POP4: variants seen among roughly 807,000 people sequenced by gnomAD.
POP4 encodes POP4 ribonuclease P/MRP subunit, also known as ribonuclease P protein subunit p29.
In POP4, 31 loss-of-function variants were observed where a neutral mutation model predicts 29.9. The ratio of observed to expected loss-of-function variants is 1.04; its 90% CI spans 0.78 to 1.40. POP4 has a LOEUF of 1.40. Ranked by LOEUF, POP4 falls within the 40% of genes most tolerant of loss-of-function variation. The pLI is 0.00. For synonymous variants in POP4, 110 were observed against 108.2 expected (o/e 1.02, Z -0.10); for missense variants, 286 against 282.7 (o/e 1.01, Z -0.08).
At chr19:29,606,407 C>T in intron 1 of POP4, 82 bp downstream of exon 1, 6 of 1,456,512 alleles carry the variant, frequency 4.1e-6, no homozygotes, top group South Asian at 1.4e-5. Flanking sequence ...TGGGTCCGGG[C>T]TACCTGTTGC....
chr19:29,613,540 G>C (rs961531578), intron 5 of POP4, among the ~76,000 whole-genome samples: 1 of 152,226 alleles, frequency 6.6e-6, no homozygotes, highest in Non-Finnish European at 1.5e-5. Flanking sequence ...AGACCTGGCT[G>C]CATCAGAGCA....
In POP4 at chr19:29,615,273, G is replaced by A; in HGVS notation, c.556G>A (p.Val186Met). 1 of 1,569,620 alleles carries A rather than the reference G, an allele frequency of 6.4e-7. No homozygotes were observed. The highest frequency in any genetic ancestry group is 1.5e-5 in the African/African-American group (1 of 66,960). The change falls in exon 7 of 7, where the codon GTG (valine) becomes ATG (methionine). Residue 186 changes from valine to methionine, a missense_variant. Physicochemically the swap from Val to Met is conservative, Grantham distance 21. Transcript: ENST00000585603. ...VIPKLNCVFT[V>M]ETDGFISYIY... ...CCCCAAGCTAAACTGCGTGTTCACT[G>A]TGGAAACCGATGGCTTTATTTCCTA...
chr19:29,614,050 AAG>A, intron 6 of POP4, 78 bp downstream of exon 6: 1 of 1,537,380 alleles, frequency 6.5e-7, no homozygotes, highest in African/African-American at 1.4e-5. Context: ...TCAAGGCTCC[AAG>A]AGTTTGATTT....
rs184092921 is a variant in POP4 at position 29,614,426 on chromosome 19, C to G, written c.526+454C>G. On this transcript the variant is annotated intron_variant, in intron 6 of 6. Coordinates refer to ENST00000585603, the MANE Select transcript of POP4 (RefSeq NM_006627.3). Reference sequence around the variant, plus strand: ...CATTGCTCTAGCAGATACTTTGGGTCAGCCAGGATTTCTACACCCCGCCTT... The same window carrying G: ...CATTGCTCTAGCAGATACTTTGGGTGAGCCAGGATTTCTACACCCCGCCTT... 2.6e-5 allele frequency among the ~76,000 whole-genome samples: 4 copies of G among 152,236 alleles called. No homozygotes were observed. The East Asian group carries it at 7.7e-4, about 29-fold the overall frequency.
chr19:29,613,955 A>G lies in POP4; in HGVS notation c.509A>G (p.Lys170Arg), dbSNP rs769257774. ...ETKHIFKIIT[K>R]EDRLKVIPKL... is the part of the protein sequence containing the mutation. ...AAGCACATTTTCAAAATTATCACCA[A>G]AGAAGACCGCCTGAAAGGTATGTAG... The change falls in exon 6 of 7, where the codon AAA (lysine) becomes AGA (arginine). Residue 170 changes from lysine (K) to arginine (R), a missense_variant. Physicochemically the swap from Lys to Arg is conservative, Grantham distance 26. Transcript: ENST00000585603. The G allele has an allele frequency of 1.1e-5, 17 of 1,613,560 alleles. No homozygotes were observed. Among genetic ancestry groups the G allele is most frequent in the Non-Finnish European group, 1.4e-5 (16 of 1,179,864 alleles).
chr19:29,612,438 A>C (rs1445078021), intron 5 of POP4, among the ~76,000 whole-genome samples: 1 of 152,064 alleles, frequency 6.6e-6, no homozygotes, highest in African/African-American at 2.4e-5. Flanking sequence ...TGGTACCCTA[A>C]AGGGCACAGT....
rs138123473 is a variant in POP4 at position 29,615,343 on chromosome 19, C to T, written c.626C>T (p.Ala209Val). Residue 209 changes from alanine (A) to valine (V), a missense_variant, in exon 7 of 7, where the codon GCG becomes GTG. By Grantham distance (64) the Ala-to-Val change is moderately conservative (BLOSUM62 0). Coordinates refer to ENST00000585603, the MANE Select transcript of POP4 (RefSeq NM_006627.3). ...CAGCTTCGGTCAAGTGAACGGTCTG[C>T]GAAGAAGTTCAAAGCGAAGGGAACG... ...KFQLRSSERSAKKFKAKGTID... is the reference protein window; with the variant it reads ...KFQLRSSERSVKKFKAKGTID... The T allele has an allele frequency of 7.6e-4, 1,234 of 1,613,072 alleles. 2 individuals are homozygous for T. Among genetic ancestry groups the T allele is most frequent in the Non-Finnish European group, 8.9e-4 (1,052 of 1,179,832 alleles).
At position 29,615,618 on chromosome 19, in the gene POP4, G is replaced by T. The variant is rs1374401210; in HGVS notation, c.*238G>T. The stretch of plus-strand genomic sequence containing the variant: ...ATTTTCATTTTGTGTGACTCCCATG[G>T]GGAGGAACAGACTGGCAGGAAGCAC... On this transcript the variant is annotated 3_prime_UTR_variant, in exon 7 of 7. Transcript: ENST00000585603. 1.1e-4 allele frequency: 47 copies of T among 441,048 alleles called. No homozygotes were observed. The highest frequency in any genetic ancestry group is 8.0e-6 in the Non-Finnish European group (2 of 248,484). 27.3% of individuals were successfully genotyped at this position (441,048 alleles called of 1,614,324 possible).
chr19:29,607,388 C>G (rs1971011339), intron 1 of POP4, among the ~76,000 whole-genome samples: 1 of 151,812 alleles, frequency 6.6e-6, no homozygotes, highest in South Asian at 2.1e-4. Context: ...GTCGAAGTTG[C>G]AGTGAGCTAT....
Position 29,610,624 on chromosome 19 carries a change from G to A in POP4, c.276G>A (p.Glu92=), listed in dbSNP as rs1214533167. The A allele has an allele frequency of 8.1e-6, 13 of 1,613,748 alleles. No homozygotes were observed. The highest frequency in any genetic ancestry group is 1.3e-5 in the African/African-American group (1 of 75,076). ...TGCGGCTCTTTGACATTAAACCAGAGCAGCAGAGGTAACCCGAGCTCCCCA... is the reference window on the plus strand; with the variant it reads ...TGCGGCTCTTTGACATTAAACCAGAACAGCAGAGGTAACCCGAGCTCCCCA... The part of the protein sequence containing the change: ...RELRLFDIKP[E]QQRYSLFLPL... Residue 92 remains glutamate, a synonymous_variant, in exon 3 of 7, where the codon GAG becomes GAA. Coordinates refer to ENST00000585603, the MANE Select transcript of POP4 (RefSeq NM_006627.3).
chr19:29,608,782 A>G (rs1186382773), intron 2 of POP4, 73 bp downstream of exon 2: 18 of 1,382,198 alleles, frequency 1.3e-5, no homozygotes, highest in Non-Finnish European at 1.8e-5. Context: ...CTGAGCCCCC[A>G]GCACTGATTG....
Position 29,615,239 on chromosome 19 carries a change from TTCA to T in POP4, c.527-4_527-2del. The T allele has an allele frequency of 6.6e-7, 1 of 1,526,058 alleles. No homozygotes were observed. Among genetic ancestry groups the T allele is most frequent in the Non-Finnish European group, 8.8e-7 (1 of 1,139,344 alleles). 94.5% of individuals were successfully genotyped at this position (1,526,058 alleles called of 1,614,324 possible). On this transcript the variant is annotated splice_acceptor_variant and splice_polypyrimidine_tract_variant and intron_variant, in intron 6 of 6. Coordinates refer to ENST00000585603, the MANE Select transcript of POP4 (RefSeq NM_006627.3). LOFTEE classifies it high-confidence loss of function. ...TTCTCCTGCCTTTTTTTTTTTTTTTTTCAGTTATCCCCAAGCTAAACTGCGTGT... is the reference window on the plus strand; with the variant it reads ...TTCTCCTGCCTTTTTTTTTTTTTTTTGTTATCCCCAAGCTAAACTGCGTGT...
At position 29,612,141 on chromosome 19, in the gene POP4, G is replaced by A. The variant is rs1971076875; in HGVS notation, c.387G>A (p.Lys129=). The change falls in exon 5 of 7, where the codon AAG becomes AAA. Residue 129 remains lysine (K), a synonymous_variant. Transcript: ENST00000585603. The part of the protein sequence containing the change: ...PDTQPQMIQA[K]LLKADLHGAI... Reference sequence around the variant, plus strand: ...GGCAGCCACAGATGATTCAGGCCAAGCTCTTAAAGGCAGATCTTCACGGGG... The same window carrying A: ...GGCAGCCACAGATGATTCAGGCCAAACTCTTAAAGGCAGATCTTCACGGGG... 3 of 1,611,004 alleles carry A rather than the reference G, an allele frequency of 1.9e-6. No homozygotes were observed. In the East Asian group the frequency reaches 6.7e-5, roughly 36 times the overall value.
chr19:29,612,247 G>C, intron 5 of POP4, 69 bp downstream of exon 5: 1 of 1,407,832 alleles, frequency 7.1e-7, no homozygotes, highest in East Asian at 2.3e-5. Context: ...TGGAGACCCA[G>C]GGCGTGTGTT....
chr19:29,609,974 G>A (rs1371813332), intron 2 of POP4, among the ~76,000 whole-genome samples: 1 of 152,208 alleles, frequency 6.6e-6, no homozygotes, highest in Non-Finnish European at 1.5e-5. Context: ...GTTTTCTGTA[G>A]TGTTAGGATC....
At chr19:29,615,223 C>CTTTTTTTTTTTTTTTTTTT in intron 6 of POP4, 21 bp from the exon 7 acceptor site, 1 of 1,324,490 alleles carries the variant, frequency 7.6e-7, no homozygotes, top group South Asian at 1.6e-5. Flanking sequence ...TTTCTCCTGC[C>CTTTTTTTTTTTTTTTTTTT]TTTTTTTTTT....
Position 29,610,651 on chromosome 19 carries a change from GTC to G in POP4, c.284+21_284+22del. On this transcript the variant is annotated intron_variant, in intron 3 of 6. Transcript: ENST00000585603. ...AGCAGAGGTAACCCGAGCTCCCCAC[GTC>G]TTTCTGCCCGCGGTGCTTACCCTTC... is the stretch of plus-strand genomic sequence containing the variant. 1 of 1,609,348 alleles carries G rather than the reference GTC, an allele frequency of 6.2e-7. No individual in the cohort carries two copies. Among genetic ancestry groups the G allele is most frequent in the Non-Finnish European group, 8.5e-7 (1 of 1,177,992 alleles).
intron 1 of POP4, among the ~76,000 whole-genome samples, chr19:29,608,427 C>T (rs568310792): frequency 2.6e-5 from 4 of 152,020 alleles, no homozygotes; most frequent in Admixed American, 2.0e-4. Context: ...CCACCATCCC[C>T]GGCTAATTTT....
chr19:29,609,625 CTTTGTTTGTTTGTTTG>C (rs113199520), intron 2 of POP4, among the ~76,000 whole-genome samples: 4 of 143,526 alleles, frequency 2.8e-5, no homozygotes, highest in East Asian at 1.9e-4. Context: ...TGGAGGGTTT[CTTTGTTTGTTTGTTTG>C]TTTGTTTGTT....
Sources: allele counts gnomAD v4.1 joint callset (sites outside exome capture counted in the v4.1 genomes callset), GRCh38; gene constraint gnomAD v4.1.1; transcripts MANE v1.5; gene names NCBI Gene and HGNC (gene_info 2026-07-23, HGNC 2026-07-21).